Variants in ANAPC10 observed in about 807,000 individuals in gnomAD.
ANAPC10 encodes the protein anaphase-promoting complex subunit 10.
A neutral mutation model predicts 22.0 loss-of-function variants in ANAPC10; 12 were observed. The observed-to-expected ratio is 0.55, with a 90% CI of 0.35 to 0.88. The LOEUF (loss-of-function observed/expected upper bound fraction) is 0.88, where lower values mean the gene tolerates loss of function less well. ANAPC10 is among the 40% of genes least tolerant of loss of function. The pLI is 0.01. For missense variants in ANAPC10, 188 were observed against 220.9 expected (o/e 0.85, Z 0.94); for synonymous variants, 65 against 69.5 (o/e 0.94, Z 0.32).
At chr4:145,002,619 AAT>A in intron 4 of ANAPC10, among the ~76,000 whole-genome samples, 1 of 152,186 alleles carries the variant, frequency 6.6e-6, no homozygotes, top group Non-Finnish European at 1.5e-5. Context: ...TCTGCATGAC[AAT>A]TCTGAATAAA....
At chr4:145,048,243 T>C (rs931757817) in intron 4 of ANAPC10, among the ~76,000 whole-genome samples, 1 of 152,118 alleles carries the variant, frequency 6.6e-6, no homozygotes, top group African/African-American at 2.4e-5. Context: ...CTCAGCTACA[T>C]GAGTGATCAA....
intron 4 of ANAPC10, among the ~76,000 whole-genome samples, chr4:145,046,423 A>C (rs1740305816): frequency 6.6e-6 from 1 of 152,134 alleles, no homozygotes; most frequent in Non-Finnish European, 1.5e-5. Context: ...TAACAAAATA[A>C]ATTCCATAAG....
intron 2 of ANAPC10, among the ~76,000 whole-genome samples, chr4:145,086,119 C>T (rs554352748): frequency 3.3e-5 from 5 of 152,112 alleles, no homozygotes; most frequent in African/African-American, 4.8e-5. Context: ...CCTGCCAACA[C>T]GCCCAGCTAA....
intron 1 of ANAPC10, chr4:145,097,106 G>T: frequency 5.0e-6 from 1 of 200,782 alleles, no homozygotes; most frequent in Non-Finnish European, 1.0e-5. Flanking sequence ...GGGGGGCTGA[G>T]ACAGGAGGAT....
At chr4:145,077,576 A>G (rs1328463552) in intron 3 of ANAPC10, among the ~76,000 whole-genome samples, 1 of 151,976 alleles carries the variant, frequency 6.6e-6, no homozygotes, top group African/African-American at 2.4e-5. Flanking sequence ...AAAAGAAGAA[A>G]CCTCAGGCCA....
intron 2 of ANAPC10, among the ~76,000 whole-genome samples, chr4:145,093,686 C>T (rs1748060125): frequency 6.6e-6 from 1 of 151,362 alleles, no homozygotes; most frequent in Non-Finnish European, 1.5e-5. Flanking sequence ...TATAATATCA[C>T]AGATGAAAAA....
intron 3 of ANAPC10, among the ~76,000 whole-genome samples, chr4:145,080,113 C>CAAAAAAAAAAAAA (rs70956824): frequency 7.5e-5 from 2 of 26,790 alleles, no homozygotes; most frequent in Non-Finnish European, 1.3e-4. Flanking sequence ...GACTCTGTCT[C>CAAAAAAAAAAAAA]AAAAAAAAAA....
At chr4:145,017,729 C>T (rs1477910233) in intron 4 of ANAPC10, among the ~76,000 whole-genome samples, 1 of 151,902 alleles carries the variant, frequency 6.6e-6, no homozygotes, top group Non-Finnish European at 1.5e-5. Context: ...CCAAATTGTC[C>T]AATGATAGAC....
At chr4:145,054,055 C>T (rs1030347566) in intron 4 of ANAPC10, among the ~76,000 whole-genome samples, 1 of 151,712 alleles carries the variant, frequency 6.6e-6, no homozygotes, top group African/African-American at 2.4e-5. Flanking sequence ...ATTACAGGCA[C>T]TCGCCACCAT....
At chr4:145,031,545 C>T (rs1737582041) in intron 4 of ANAPC10, among the ~76,000 whole-genome samples, 1 of 152,230 alleles carries the variant, frequency 6.6e-6, no homozygotes, top group Admixed American at 6.5e-5. Flanking sequence ...TACTCCAGCC[C>T]ACTTATCGAG....
chr4:145,091,721 G>A (rs182087445), intron 2 of ANAPC10, among the ~76,000 whole-genome samples: 130 of 152,258 alleles, frequency 8.5e-4, no homozygotes, highest in African/African-American at 3.0e-3. Context: ...CCAGTGATGG[G>A]ATTGCTGAGT....
intron 4 of ANAPC10, among the ~76,000 whole-genome samples, chr4:144,998,728 A>C (rs1175751473): frequency 6.6e-6 from 1 of 152,214 alleles, no homozygotes; most frequent in African/African-American, 2.4e-5. Flanking sequence ...AAGAGCAAAC[A>C]CATTCAAAAG....
At chr4:145,037,970 C>A (rs187173539) in intron 4 of ANAPC10, among the ~76,000 whole-genome samples, 28 of 139,150 alleles carry the variant, frequency 2.0e-4, no homozygotes, top group African/African-American at 6.7e-4. Flanking sequence ...AAAAAAAAAT[C>A]CAGTTGAAGC....
intron 4 of ANAPC10, among the ~76,000 whole-genome samples, chr4:145,020,247 G>A (rs1735778062): frequency 1.3e-5 from 2 of 152,052 alleles, no homozygotes; most frequent in Admixed American, 1.3e-4. Context: ...CGAGCAAGTG[G>A]GTTTCATGCC....
intron 3 of ANAPC10, among the ~76,000 whole-genome samples, chr4:145,076,739 G>C (rs915157410): frequency 6.6e-6 from 1 of 152,106 alleles, no homozygotes; most frequent in Admixed American, 6.6e-5. Context: ...GCTGAAAGAC[G>C]AAATAGCTAT....
At chr4:145,062,344 C>T (rs1426311568) in intron 4 of ANAPC10, among the ~76,000 whole-genome samples, 4 of 151,036 alleles carry the variant, frequency 2.6e-5, no homozygotes, top group Admixed American at 6.6e-5. Context: ...TGGTGGCTCA[C>T]GCCTGTAATC....
chr4:145,002,320 A>C (rs948222490), intron 4 of ANAPC10, among the ~76,000 whole-genome samples: 2 of 152,194 alleles, frequency 1.3e-5, no homozygotes, highest in Admixed American at 6.5e-5. Context: ...CTTAAGAAGA[A>C]AGACAGACTC....
chr4:144,996,404 A>G (rs1413928840), intron 4 of ANAPC10, among the ~76,000 whole-genome samples: 1 of 152,180 alleles, frequency 6.6e-6, no homozygotes, highest in Non-Finnish European at 1.5e-5. Context: ...ATCTAGAGAC[A>G]CGGCTGCTGC....
At chr4:145,054,997 C>T (rs940857690) in intron 4 of ANAPC10, among the ~76,000 whole-genome samples, 3 of 152,092 alleles carry the variant, frequency 2.0e-5, no homozygotes, top group Non-Finnish European at 4.4e-5. Context: ...CTTGCCGATG[C>T]TAACTTTGCT....
Sources: allele counts gnomAD v4.1 joint callset (sites outside exome capture counted in the v4.1 genomes callset), GRCh38; gene constraint gnomAD v4.1.1; transcripts MANE v1.5; gene names NCBI Gene and HGNC (gene_info 2026-07-23, HGNC 2026-07-21).